The following ESCO2 variants were observed in gnomAD, a reference collection of about 807,000 sequenced individuals.
ESCO2 encodes N-acetyltransferase ESCO2.
A neutral mutation model predicts 61.7 loss-of-function variants in ESCO2; 51 were observed. The ratio of observed to expected loss-of-function variants is 0.83; its 90% CI spans 0.66 to 1.04. ESCO2 has a LOEUF of 1.04. Among genes scored for constraint, ESCO2 ranks in the 50% least tolerant of loss-of-function variants. The pLI, the probability that ESCO2 is intolerant of heterozygous loss-of-function variation, is 0.00. For synonymous variants in ESCO2, 230 were observed against 238.2 expected (o/e 0.97, Z 0.32); for missense variants, 692 against 686.2 (o/e 1.01, Z -0.09).
chr8:27,814,420 T>G (rs2128961704), downstream of ESCO2, among the ~76,000 whole-genome samples: 1 of 152,274 alleles, frequency 6.6e-6, no homozygotes, highest in African/African-American at 2.4e-5. Flanking sequence ...TTCTCTTTTT[T>G]CTTGATCAGT....
rs1805239290 is a variant in ESCO2, at chr8:27,793,974, T to C, written c.1497+1163T>C. Among the ~76,000 whole-genome samples the C allele has an allele frequency of 1.3e-5, 2 of 152,342 alleles. 1 individual carries two copies. The highest frequency in any genetic ancestry group is 4.1e-4 in the South Asian group (2 of 4,826). ...GAAGTCAACTTCTTTAGATTCAGTA[T>C]GTAAGTGAGATGTTGCACTATTTTT... On this transcript the variant is annotated intron_variant, in intron 9 of 10. Transcript: ENST00000305188.
At chr8:27,818,057 T>C in the ESCO2 span, among the ~76,000 whole-genome samples, 2 of 152,220 alleles carry the variant, frequency 1.3e-5, no homozygotes, top group African/African-American at 4.8e-5. Flanking sequence ...CAATGCTTTT[T>C]CACCCTCCCC....
At chr8:27,811,602 C>G (rs1805685769), downstream of ESCO2, among the ~76,000 whole-genome samples, 1 of 152,130 alleles carries the variant, frequency 6.6e-6, no homozygotes, top group South Asian at 2.1e-4. Context: ...CACATAGGCT[C>G]TTTTTTAAAG....
intron 4 of ESCO2, 23 bp from the exon 5 acceptor site, chr8:27,783,977 T>G (rs1391619340): frequency 4.4e-6 from 7 of 1,591,076 alleles, no homozygotes; most frequent in Non-Finnish European, 5.2e-6. Context: ...TAATACACAT[T>G]ATCATGATTT....
intron 4 of ESCO2, 86 bp downstream of exon 4, chr8:27,780,353 G>A (rs1804899656): frequency 1.0e-6 from 1 of 955,574 alleles, no homozygotes; most frequent in Non-Finnish European, 1.7e-6. Flanking sequence ...TAATTTCTGG[G>A]TCTTTCTTTT....
intron 1 of ESCO2, among the ~76,000 whole-genome samples, chr8:27,775,034 A>G (rs1469506364): frequency 6.6e-6 from 1 of 152,214 alleles, no homozygotes; most frequent in Non-Finnish European, 1.5e-5. Context: ...CCCTGATCCC[A>G]GGGAAGGGGA....
the ESCO2 span, among the ~76,000 whole-genome samples, chr8:27,818,231 T>C: frequency 6.6e-6 from 1 of 152,234 alleles, no homozygotes; most frequent in Admixed American, 6.5e-5. Flanking sequence ...GCAAAACCTA[T>C]TCTAACCTCA....
At chr8:27,801,713 CAAG>C (rs1431000568) in intron 10 of ESCO2, among the ~76,000 whole-genome samples, 1 of 152,048 alleles carries the variant, frequency 6.6e-6, no homozygotes, top group Non-Finnish European at 1.5e-5. Flanking sequence ...AAGCCTTTGT[CAAG>C]ATCTATTAAG....
At chr8:27,772,816 C>T (rs1286925949), upstream of ESCO2, among the ~76,000 whole-genome samples, 1 of 152,314 alleles carries the variant, frequency 6.6e-6, no homozygotes, top group Middle Eastern at 3.4e-3. Flanking sequence ...GCTTCACTTT[C>T]CTCAGCAGCG....
In ESCO2 at chr8:27,804,665, T is replaced by G. The variant is rs925303475; in HGVS notation, c.*1227T>G. 1 of 985,332 alleles carries G rather than the reference T, an allele frequency of 1.0e-6. No homozygotes were observed. Among genetic ancestry groups the G allele is most frequent in the African/African-American group, 1.7e-5 (1 of 57,250 alleles). The allele number at this position is 985,332 out of a possible 1,614,324, so 61.0% of individuals were successfully genotyped here. ...AGTCGTTTTCCAGATTGTAATTATA[T>G]GTAGAAACTATTCATCTGCATTCAT... On this transcript the variant is annotated 3_prime_UTR_variant, in exon 11 of 11. Transcript: ENST00000305188.
rs113005682 is a variant in ESCO2 at position 27,779,720 on chromosome 8, G to T, written c.862-454G>T. ...ACAGTCTTGCTCTGTTGCCAGGCTGGAGTGCAGTGGCACGATCTTGGCTCA... is the reference window on the plus strand; with the variant it reads ...ACAGTCTTGCTCTGTTGCCAGGCTGTAGTGCAGTGGCACGATCTTGGCTCA... On this transcript the variant is annotated intron_variant, in intron 3 of 10. Coordinates refer to ENST00000305188, the MANE Select transcript of ESCO2 (RefSeq NM_001017420.3). The T allele has an allele frequency of 8.3e-3, 1,462 of 175,548 alleles. 25 individuals carry two copies. Among genetic ancestry groups the T allele is most frequent in the African/African-American group, 0.032 (1,354 of 41,808 alleles). 10.9% of individuals were successfully genotyped at this position (175,548 alleles called of 1,614,324 possible). A position where few individuals can be genotyped will look rare whatever the true frequency, so the allele number is the denominator to read the frequency against.
intron 2 of ESCO2, 108 bp from the exon 3 acceptor site, chr8:27,776,254 A>T: frequency 3.7e-6 from 3 of 815,422 alleles, no homozygotes; most frequent in Non-Finnish European, 3.9e-6. Context: ...TATGGGGGGT[A>T]CATGTATTGT....
rs553331133 is a variant in ESCO2, at chr8:27,799,708, T to C, written c.1665T>C (p.Asp555=). The C allele has an allele frequency of 6.2e-7, 1 of 1,613,962 alleles. No individual in the cohort carries two copies. The highest frequency in any genetic ancestry group is 1.7e-4 in the Middle Eastern group (1 of 6,060). Residue 555 remains aspartate, a synonymous_variant, in exon 10 of 11, where the codon GAT becomes GAC. Transcript: ENST00000305188. ...AGCGCATTGCAAGACGACTGGTTGA[T>C]ACCCTCAGGTAAGAAATAAAATGGA... is the stretch of plus-strand genomic sequence containing the variant. ...RRKRIARRLV[D]TLRNCFMFGC...
At position 27,780,268 on chromosome 8, in the gene ESCO2, G is replaced by A. The variant is rs1276808934; in HGVS notation, c.955+1G>A. ...GATTCTCTTGGTGAGAATAAGACAA[G>A]TAAGAGAAAACTCGCATGAATTTAG... On this transcript the variant is annotated splice_donor_variant, in intron 4 of 10. Coordinates refer to ENST00000305188, the MANE Select transcript of ESCO2 (RefSeq NM_001017420.3). LOFTEE classifies it high-confidence loss of function. 1 of 1,581,662 alleles carries A rather than the reference G, an allele frequency of 6.3e-7. No homozygotes were observed. Among genetic ancestry groups the A allele is most frequent in the East Asian group, 2.2e-5 (1 of 44,612 alleles).
chr8:27,816,397 G>T (rs567837741), downstream of ESCO2, among the ~76,000 whole-genome samples: 87 of 130,966 alleles, frequency 6.6e-4, no homozygotes, highest in Admixed American at 1.0e-3. Context: ...ATTTTTTTTT[G>T]AGATGGAATC....
At chr8:27,805,361 C>G, downstream of ESCO2, 1 of 144,958 alleles carries the variant, frequency 6.9e-6, no homozygotes, top group Non-Finnish European at 1.5e-5. Context: ...GTGCTTATTA[C>G]TTTAGAATAA....
upstream of ESCO2, chr8:27,772,415 G>A: frequency 1.6e-6 from 2 of 1,222,762 alleles, no homozygotes; most frequent in Non-Finnish European, 2.3e-6. Context: ...CATCCAGAAG[G>A]CATTTTAGAG....
At chr8:27,772,600 C>G (rs17057820), upstream of ESCO2, 7 of 1,515,128 alleles carry the variant, frequency 4.6e-6, no homozygotes, top group Non-Finnish European at 8.9e-7. Context: ...TCACGAAGCT[C>G]AGGATACCAG....
At chr8:27,797,358 T>A (rs777365105) in intron 9 of ESCO2, among the ~76,000 whole-genome samples, 21 of 152,226 alleles carry the variant, frequency 1.4e-4, no homozygotes, top group Non-Finnish European at 2.6e-4. Context: ...GGTTTTTGAC[T>A]TAAAATCTAT....
Sources: allele counts gnomAD v4.1 joint callset (sites outside exome capture counted in the v4.1 genomes callset), GRCh38; gene constraint gnomAD v4.1.1; transcripts MANE v1.5; gene names NCBI Gene and HGNC (gene_info 2026-07-23, HGNC 2026-07-21).